Variants in CRTC1 observed in about 807,000 individuals in gnomAD.
CRTC1 encodes the protein CREB-regulated transcription coactivator 1.
In CRTC1, 18 loss-of-function variants were observed where a neutral mutation model predicts 66.1. The observed-to-expected ratio is 0.27, with a 90% confidence interval of 0.19 to 0.40. The LOEUF (loss-of-function observed/expected upper bound fraction) is 0.40, where lower values mean the gene tolerates loss of function less well. Among genes scored for constraint, CRTC1 ranks in the 10% least tolerant of loss-of-function variants. CRTC1 has a pLI of 1.00. For missense variants in CRTC1, 669 were observed against 887.9 expected (o/e 0.75, Z 3.13); for synonymous variants, 416 against 398.8 (o/e 1.04, Z -0.51).
chr19:18,701,258 C>T (rs1170365743), intron 1 of CRTC1, among the ~76,000 whole-genome samples: 1 of 152,276 alleles, frequency 6.6e-6, no homozygotes, highest in Non-Finnish European at 1.5e-5. Context: ...TCTGTTGGCT[C>T]CTGCCAAACA....
At chr19:18,766,047 T>C (rs952065652) in intron 9 of CRTC1, among the ~76,000 whole-genome samples, 1 of 152,166 alleles carries the variant, frequency 6.6e-6, no homozygotes, top group South Asian at 2.1e-4. Flanking sequence ...AGTTTGTATG[T>C]GTCTAGGAAT....
At chr19:18,744,246 C>G in intron 2 of CRTC1, 1 of 1,286,994 alleles carries the variant, frequency 7.8e-7, no homozygotes, top group Non-Finnish European at 1.1e-6. Context: ...TCCCTGAGCT[C>G]CCCAAGCGGC....
chr19:18,724,613 T>A (rs1441916367), intron 1 of CRTC1, among the ~76,000 whole-genome samples: 3 of 150,994 alleles, frequency 2.0e-5, no homozygotes, highest in Non-Finnish European at 4.4e-5. Flanking sequence ...CAGCTTTCAG[T>A]GGCTCCAGCC....
In CRTC1 at chr19:18,778,069, C is replaced by T; in HGVS notation, c.*687C>T. 4.3e-6 allele frequency: 1 copy of T among 233,368 alleles called. No individual in the cohort carries two copies. Among genetic ancestry groups the T allele is most frequent in the African/African-American group, 2.2e-5 (1 of 45,462 alleles). 14.5% of individuals were successfully genotyped at this position (233,368 alleles called of 1,614,324 possible). On this transcript the variant is annotated 3_prime_UTR_variant, in exon 14 of 14. Transcript: ENST00000321949. ...ACGACCCTCCTCGCCCTGTCTCCAT[C>T]CCCTCGAAGCCCTGCCTCACCGCAG...
intron 10 of CRTC1, among the ~76,000 whole-genome samples, chr19:18,769,811 CTTCCTG>C (rs1157603987): frequency 1.3e-5 from 2 of 152,156 alleles, no homozygotes; most frequent in African/African-American, 4.8e-5. Context: ...ACAAAGACGG[CTTCCTG>C]CCCCCACTTC....
At chr19:18,708,202 C>G (rs576861337) in intron 1 of CRTC1, among the ~76,000 whole-genome samples, 1 of 152,040 alleles carries the variant, frequency 6.6e-6, no homozygotes, top group African/African-American at 2.4e-5. Flanking sequence ...AGAGAGGAGA[C>G]CCAGATCTGG....
In CRTC1 at chr19:18,771,080, A is replaced by G. The variant is rs59509004; in HGVS notation, c.1321-362A>G. Among the ~76,000 whole-genome samples, 99 of 150,978 alleles carry G rather than the reference A, an allele frequency of 6.6e-4. No individual in the cohort carries two copies. Among genetic ancestry groups the G allele is most frequent in the African/African-American group, 2.3e-3 (93 of 41,060 alleles). ...TATATTCTAGTGTGGATATGTGTACACGTGGGTATGTCTGTGTGGGTGTGC... is the reference window on the plus strand; with the variant it reads ...TATATTCTAGTGTGGATATGTGTACGCGTGGGTATGTCTGTGTGGGTGTGC... On this transcript the variant is annotated intron_variant, in intron 10 of 13. Transcript: ENST00000321949. The surrounding 1 kb of genome is among the most constrained non-coding windows in gnomAD (Gnocchi z 4.6).
intron 1 of CRTC1, among the ~76,000 whole-genome samples, chr19:18,726,392 C>G (rs1479198841): frequency 6.6e-6 from 1 of 152,218 alleles, no homozygotes; most frequent in African/African-American, 2.4e-5. Context: ...AGGCGGCCAG[C>G]TATAGGGATG....
intron 1 of CRTC1, among the ~76,000 whole-genome samples, chr19:18,718,964 A>C (rs1033882107): frequency 3.3e-5 from 5 of 152,166 alleles, no homozygotes; most frequent in African/African-American, 1.2e-4. Context: ...AAAGAGAAGA[A>C]AATGAAGGAG....
At chr19:18,740,590 TCTC>T (rs1401010669) in intron 1 of CRTC1, among the ~76,000 whole-genome samples, 1 of 152,136 alleles carries the variant, frequency 6.6e-6, no homozygotes, top group African/African-American at 2.4e-5. Context: ...GGCAGGATAT[TCTC>T]CTGCAGGTCA....
At position 18,713,731 on chromosome 19, in the gene CRTC1, G is replaced by A. The variant is rs766622821; in HGVS notation, c.127-29179G>A. The stretch of plus-strand genomic sequence containing the variant: ...GGTCCATTTGGAATATTCCACTTGC[G>A]CGTGAAGCAAAGGCCCAAGTATATG... On this transcript the variant is annotated intron_variant, in intron 1 of 13. Coordinates refer to ENST00000321949, the MANE Select transcript of CRTC1 (RefSeq NM_015321.3). 2.0e-4 allele frequency among the ~76,000 whole-genome samples: 31 copies of A among 152,358 alleles called. 1 individual carries two copies. The highest frequency in any genetic ancestry group is 5.5e-4 in the African/African-American group (23 of 41,576).
chr19:18,697,922 G>A (rs996860016), intron 1 of CRTC1, among the ~76,000 whole-genome samples: 1 of 152,266 alleles, frequency 6.6e-6, no homozygotes, highest in African/African-American at 2.4e-5. Flanking sequence ...TGTTCAGTAG[G>A]TGCCCAGTAG....
At chr19:18,721,105 T>C (rs968363034) in intron 1 of CRTC1, among the ~76,000 whole-genome samples, 15 of 152,126 alleles carry the variant, frequency 9.9e-5, no homozygotes, top group Non-Finnish European at 2.1e-4. Context: ...TTCATTGTCA[T>C]GTGGACACCT....
rs528696727 is a variant in CRTC1, at chr19:18,758,143, T to C, written c.625-1408T>C. Among the ~76,000 whole-genome samples the C allele has an allele frequency of 3.8e-4, 57 of 151,532 alleles. No individual in the cohort carries two copies. The South Asian group carries it at 7.9e-3, about 21-fold the overall frequency. On this transcript the variant is annotated intron_variant, in intron 6 of 13. Coordinates refer to ENST00000321949, the MANE Select transcript of CRTC1 (RefSeq NM_015321.3). The stretch of plus-strand genomic sequence containing the variant: ...TTTGGGGGCCGAGGTGGGCGGATCA[T>C]GAGGTCAGGAGATGGAGACCCTCCT...
At chr19:18,698,655 A>T (rs1225271321) in intron 1 of CRTC1, among the ~76,000 whole-genome samples, 1 of 149,634 alleles carries the variant, frequency 6.7e-6, no homozygotes, top group Non-Finnish European at 1.5e-5. Context: ...CGCAGTGTGT[A>T]CTCATCAGGT....
chr19:18,768,519 A>C lies in CRTC1; in HGVS notation c.1046A>C (p.Gln349Pro). Reference protein sequence around the residue: ...VAMDALSLEQQLPYAFFTQAG... With the variant: ...VAMDALSLEQPLPYAFFTQAG... ...ATGGACGCCCTGTCTCTGGAGCAGC[A>C]GCTGCCCTACGCCTTCTTCACCCAG... Residue 349 changes from glutamine (Q) to proline (P), a missense_variant, in exon 10 of 14, where the codon CAG becomes CCG. Around this residue, in one of 8 missense-constraint regions of CRTC1, gnomAD observed 241 missense variants for 242.2 expected, o/e 0.99. Transcript: ENST00000321949. This position sits in a 1 kb window ranked among gnomAD's most constrained non-coding sequence, Gnocchi z 5.6. 6.2e-7 allele frequency: 1 copy of C among 1,609,886 alleles called. No individual in the cohort carries two copies. The highest frequency in any genetic ancestry group is 8.5e-7 in the Non-Finnish European group (1 of 1,179,276).
chr19:18,768,882 C>T lies in CRTC1; in HGVS notation c.1320+89C>T, dbSNP rs2054799730. On this transcript the variant is annotated intron_variant, in intron 10 of 13. Transcript: ENST00000321949. This position sits in a 1 kb window ranked among gnomAD's most constrained non-coding sequence, Gnocchi z 5.6. ...TGCAGAACAGTCGGGTTACCTGCTGCATGGGCCAGGGGTCAGAACCCCAGC... is the reference window on the plus strand; with the variant it reads ...TGCAGAACAGTCGGGTTACCTGCTGTATGGGCCAGGGGTCAGAACCCCAGC... The T allele has an allele frequency of 6.8e-7, 1 of 1,465,564 alleles. No individual in the cohort carries two copies. Among genetic ancestry groups the T allele is most frequent in the Non-Finnish European group, 9.1e-7 (1 of 1,101,958 alleles). 90.8% of individuals were successfully genotyped at this position (1,465,564 alleles called of 1,614,324 possible).
At chr19:18,746,124 A>G (rs1267797569) in intron 3 of CRTC1, among the ~76,000 whole-genome samples, 164 bp downstream of exon 3, 1 of 152,070 alleles carries the variant, frequency 6.6e-6, no homozygotes, top group Non-Finnish European at 1.5e-5. Flanking sequence ...AGCCTGGGGG[A>G]CTTCCTGGAG....
rs13345305 is a variant in CRTC1 at position 18,777,671 on chromosome 19, C to T, written c.*289C>T. 1.4e-4 allele frequency: 63 copies of T among 444,910 alleles called. No homozygotes were observed. Among genetic ancestry groups the T allele is most frequent in the African/African-American group, 1.2e-3 (59 of 47,782 alleles). The allele number at this position is 444,910 out of a possible 1,614,324, so 27.6% of individuals were successfully genotyped here. On this transcript the variant is annotated 3_prime_UTR_variant, in exon 14 of 14. Transcript: ENST00000321949. This position sits in a 1 kb window ranked among gnomAD's most constrained non-coding sequence, Gnocchi z 5.5. ...CCTGCACTGGCTCCCTCGCCCCCAG[C>T]CCCGGGGCCTGAGCCGTCCCCTGTA... is the stretch of plus-strand genomic sequence containing the variant.
Sources: allele counts gnomAD v4.1 joint callset (sites outside exome capture counted in the v4.1 genomes callset), GRCh38; gene constraint gnomAD v4.1.1; regional missense constraint gnomAD v4.1.1; non-coding constraint Gnocchi (gnomAD v3.1); transcripts MANE v1.5; gene names NCBI Gene and HGNC (gene_info 2026-07-23, HGNC 2026-07-21).